The following TTC6 variants were observed in gnomAD, a reference collection of about 807,000 sequenced individuals.
TTC6 encodes tetratricopeptide repeat protein 6.
A neutral mutation model predicts 210.4 loss-of-function variants in TTC6; 172 were observed. That is an observed-to-expected ratio of 0.82 (90% CI 0.72 to 0.93). The LOEUF (loss-of-function observed/expected upper bound fraction) is 0.93. Among genes scored for constraint, TTC6 ranks in the 40% least tolerant of loss-of-function variants. TTC6 has a pLI of 0.00. For missense variants in TTC6, 2,414 were observed against 2,318.1 expected (o/e 1.04, Z -0.85); for synonymous variants, 804 against 819.6 (o/e 0.98, Z 0.32).
intron 15 of TTC6, 95 bp from the exon 18 acceptor site, chr14:37,790,622 T>G: frequency 8.0e-6 from 8 of 997,302 alleles, no homozygotes; most frequent in South Asian, 1.5e-5. Context: ...TGTTAAAAAA[T>G]GAGAATAAGC....
chr14:37,709,975 G>A (rs2095842093), intron 5 of TTC6, among the ~76,000 whole-genome samples: 1 of 152,140 alleles, frequency 6.6e-6, no homozygotes, highest in South Asian at 2.1e-4. Context: ...TTGCGACCCA[G>A]TGAGTGGGTT....
At chr14:37,646,845 A>C (rs2095702572) in intron 1 of TTC6, among the ~76,000 whole-genome samples, 1 of 152,196 alleles carries the variant, frequency 6.6e-6, no homozygotes, top group East Asian at 1.9e-4. Flanking sequence ...TTTACACAGT[A>C]GTTGCATTTC....
chr14:37,608,396 A>G (rs1466855846), intron 2 of TTC6, among the ~76,000 whole-genome samples: 1 of 151,824 alleles, frequency 6.6e-6, no homozygotes, highest in African/African-American at 2.4e-5. Context: ...TGCAGCCTCG[A>G]CTTCCTGGGC....
exon 1 of TTC6, chr14:37,622,176 C>A: frequency 6.5e-7 from 1 of 1,535,526 alleles, no homozygotes; most frequent in Non-Finnish European, 8.7e-7. Flanking sequence ...CCGATTCAAG[C>A]AGAAGTTGGC....
intron 1 of TTC6, among the ~76,000 whole-genome samples, chr14:37,606,023 C>T (rs2095624536): frequency 6.6e-6 from 1 of 152,056 alleles, no homozygotes; most frequent in Middle Eastern, 3.4e-3. Flanking sequence ...TCCCAGGGGT[C>T]CATTTCTGAA....
chr14:37,817,646 T>G, exon 26 of TTC6: 4 of 1,613,942 alleles, frequency 2.5e-6, no homozygotes, highest in Non-Finnish European at 3.4e-6. Flanking sequence ...CCATGTGCCA[T>G]CACAGGTATG....
intron 15 of TTC6, 95 bp from the exon 18 acceptor site, chr14:37,790,622 T>C: frequency 1.0e-6 from 1 of 997,324 alleles, no homozygotes; most frequent in Non-Finnish European, 1.5e-6. Context: ...TGTTAAAAAA[T>C]GAGAATAAGC....
intron 1 of TTC6, among the ~76,000 whole-genome samples, chr14:37,656,584 C>T (rs2095723877): frequency 6.6e-6 from 1 of 150,820 alleles, no homozygotes; most frequent in Admixed American, 6.6e-5. Flanking sequence ...GAGAGGATTG[C>T]CTTTACTTCA....
chr14:37,757,216 T>C (rs1222476206), intron 14 of TTC6, among the ~76,000 whole-genome samples: 2 of 151,958 alleles, frequency 1.3e-5, no homozygotes, highest in Non-Finnish European at 2.9e-5. Flanking sequence ...TTTTATTGTG[T>C]CTATTTGATT....
chr14:37,655,153 A>G (rs956819388), intron 1 of TTC6, among the ~76,000 whole-genome samples: 1 of 152,196 alleles, frequency 6.6e-6, no homozygotes, highest in Admixed American at 6.5e-5. Context: ...AGACATTTTG[A>G]CACAAAGACT....
intron 29 of TTC6, among the ~76,000 whole-genome samples, chr14:37,836,327 C>A (rs555110918): frequency 1.8e-4 from 27 of 152,316 alleles, no homozygotes; most frequent in Admixed American, 5.2e-4. Flanking sequence ...AGATCACTCT[C>A]TGGCTGGATC....
chr14:37,830,274 A>AT (rs576380615), intron 29 of TTC6, among the ~76,000 whole-genome samples: 115 of 150,920 alleles, frequency 7.6e-4, no homozygotes, highest in African/African-American at 2.6e-3. Context: ...AGATAACCAC[A>AT]TTTTTTTTTA....
Position 37,714,999 on chromosome 14 carries a change from G to A in TTC6, c.1713+203G>A, listed in dbSNP as rs370282549. Among the ~76,000 whole-genome samples, 31 of 152,116 alleles carry A rather than the reference G, an allele frequency of 2.0e-4. No homozygotes were observed. The South Asian group carries it at 5.8e-3, about 29-fold the overall frequency. ...TTGAGACCAGTCTGGCCAACATAAC[G>A]AGACCTCGTATCTAAAAATAATAAC... is the stretch of plus-strand genomic sequence containing the variant. On this transcript the variant is annotated intron_variant, in intron 6 of 30. Transcript: ENST00000553443.
chr14:37,822,491 T>C (rs1349544364), intron 26 of TTC6, among the ~76,000 whole-genome samples: 2 of 152,100 alleles, frequency 1.3e-5, no homozygotes, highest in African/African-American at 4.8e-5. Flanking sequence ...TTGAAACCTG[T>C]TTGAGAAGTA....
At chr14:37,751,025 C>T in intron 12 of TTC6, 28 bp from the exon 15 acceptor site, 2 of 1,455,930 alleles carry the variant, frequency 1.4e-6, no homozygotes, top group South Asian at 1.4e-5. Flanking sequence ...ATTATAACTC[C>T]AAATTTTATC....
At chr14:37,700,228 G>A (rs2095822312) in intron 4 of TTC6, among the ~76,000 whole-genome samples, 1 of 152,076 alleles carries the variant, frequency 6.6e-6, no homozygotes, top group Admixed American at 6.5e-5. Context: ...TCACTAATAG[G>A]CAAGAAATGT....
intron 1 of TTC6, among the ~76,000 whole-genome samples, chr14:37,652,209 T>C (rs2095714337): frequency 6.6e-6 from 1 of 152,150 alleles, no homozygotes; most frequent in South Asian, 2.1e-4. Context: ...TTGAACCATA[T>C]GAAATTGCTG....
In TTC6 at chr14:37,733,758, G is replaced by A. The variant is rs143173475; in HGVS notation, c.1819-2163G>A. Among the ~76,000 whole-genome samples, 398 of 152,002 alleles carry A rather than the reference G, an allele frequency of 2.6e-3. 2 individuals are homozygous for A. The highest frequency in any genetic ancestry group is 9.1e-3 in the African/African-American group (379 of 41,488). On this transcript the variant is annotated intron_variant, in intron 7 of 30. Transcript: ENST00000553443. The stretch of plus-strand genomic sequence containing the variant: ...GTAGTTGACATCTTTCATTAGCTAT[G>A]GAAAATTTTTAGTAATCTCTATCCA...
chr14:37,755,110 A>G (rs1021230652), intron 14 of TTC6, among the ~76,000 whole-genome samples: 15 of 152,142 alleles, frequency 9.9e-5, no homozygotes, highest in Non-Finnish European at 2.1e-4. Context: ...CTGGCATGAG[A>G]TGATATCTCA....
Sources: gnomAD v4.1 joint callset for allele counts (sites outside exome capture counted in the v4.1 genomes callset) on GRCh38, gnomAD v4.1.1 for gene constraint, MANE v1.5 for transcripts, NCBI Gene and HGNC (gene_info 2026-07-23, HGNC 2026-07-21) for gene names.